Variants in DNAI4 observed in about 807,000 individuals in gnomAD.
DNAI4 encodes dynein axonemal intermediate chain 4.
Under a neutral mutation model 105.8 loss-of-function variants are expected in DNAI4, and 85 were observed. That is an observed-to-expected ratio of 0.80 (90% CI 0.67 to 0.96). The LOEUF is 0.96. DNAI4 is among the 40% of genes least tolerant of loss of function. DNAI4 has a pLI of 0.00. For missense variants in DNAI4, 1,014 were observed against 1,005.6 expected, an observed-to-expected ratio of 1.01 and a Z score of -0.11; for synonymous variants, 352 against 331.5, an observed-to-expected ratio of 1.06 and a Z score of -0.67.
At chr1:66,863,419 C>T (rs1005486997) in intron 6 of DNAI4, among the ~76,000 whole-genome samples, 2 of 152,034 alleles carry the variant, frequency 1.3e-5, no homozygotes, top group Admixed American at 6.6e-5. Context: ...TGTTTTCAAT[C>T]GGTAATAATC....
At chr1:66,901,548 A>G (rs1043925189) in intron 2 of DNAI4, among the ~76,000 whole-genome samples, 1 of 152,054 alleles carries the variant, frequency 6.6e-6, no homozygotes, top group Non-Finnish European at 1.5e-5. Context: ...ATGATTTTTC[A>G]TTATATTTTA....
chr1:66,886,944 C>G (rs1647222601), intron 4 of DNAI4, among the ~76,000 whole-genome samples: 1 of 152,002 alleles, frequency 6.6e-6, no homozygotes. Flanking sequence ...TCCCCCACCC[C>G]CCATCCCCAG....
chr1:66,891,030 G>A (rs868674679), intron 4 of DNAI4, 124 bp downstream of exon 4: 1 of 804,468 alleles, frequency 1.2e-6, no homozygotes, highest in African/African-American at 1.7e-5. Flanking sequence ...CTCTTGAAGC[G>A]ACTTCACAAG....
At chr1:66,872,197 T>C (rs1646860836) in intron 5 of DNAI4, among the ~76,000 whole-genome samples, 1 of 145,718 alleles carries the variant, frequency 6.9e-6, no homozygotes, top group Non-Finnish European at 1.5e-5. Context: ...TCACATATTT[T>C]CAGGTTATTT....
intron 7 of DNAI4, among the ~76,000 whole-genome samples, chr1:66,849,590 T>G (rs1255814277): frequency 2.0e-5 from 3 of 152,138 alleles, no homozygotes; most frequent in Non-Finnish European, 1.5e-5. Context: ...ATGTTAGAAT[T>G]ATCTGACAAA....
At chr1:66,845,178 G>A (rs1297308388) in intron 8 of DNAI4, among the ~76,000 whole-genome samples, 17 of 104,632 alleles carry the variant, frequency 1.6e-4, no homozygotes, top group South Asian at 3.6e-4. Flanking sequence ...GTGACAGAGC[G>A]AAACTCCATC....
chr1:66,914,798 CAAT>C (rs1401762441), intron 1 of DNAI4, among the ~76,000 whole-genome samples: 1 of 151,982 alleles, frequency 6.6e-6, no homozygotes. Context: ...GTTGTGTACA[CAAT>C]GTTTCACTAC....
intron 3 of DNAI4, among the ~76,000 whole-genome samples, chr1:66,892,948 GA>G: frequency 1.5e-5 from 1 of 65,966 alleles, no homozygotes; most frequent in Non-Finnish European, 3.0e-5. Context: ...AGAGAAGAAA[GA>G]GAAGAAAGAA....
chr1:66,922,968 C>T (rs2100917577), intron 1 of DNAI4, among the ~76,000 whole-genome samples: 1 of 152,248 alleles, frequency 6.6e-6, no homozygotes, highest in East Asian at 1.9e-4. Flanking sequence ...TATGGACTAA[C>T]CCAGCAATAC....
intron 2 of DNAI4, among the ~76,000 whole-genome samples, chr1:66,893,678 A>G (rs1648061285): frequency 6.6e-6 from 1 of 152,212 alleles, no homozygotes; most frequent in Admixed American, 6.5e-5. Flanking sequence ...CAGTGGAAAG[A>G]TAATTCATCC....
intron 1 of DNAI4, among the ~76,000 whole-genome samples, chr1:66,914,483 A>G (rs1444349719): frequency 1.3e-5 from 2 of 152,190 alleles, no homozygotes; most frequent in African/African-American, 4.8e-5. Context: ...TGTGCATTAA[A>G]AAGACTTTTA....
chr1:66,854,733 G>A (rs749640858), intron 7 of DNAI4, among the ~76,000 whole-genome samples: 16 of 152,160 alleles, frequency 1.1e-4, no homozygotes, highest in Non-Finnish European at 2.4e-4. Context: ...CCCGGGAGGA[G>A]GCAGAGATTG....
intron 16 of DNAI4, among the ~76,000 whole-genome samples, chr1:66,815,227 C>G (rs1019659031): frequency 1.1e-4 from 16 of 152,282 alleles, no homozygotes; most frequent in African/African-American, 3.9e-4. Flanking sequence ...CAGTTTCTCA[C>G]TTGGGCAAAT....
Position 66,826,910 on chromosome 1 carries a change from A to G in DNAI4, c.2249T>C (p.Val750Ala). 6.2e-7 allele frequency: 1 copy of G among 1,614,188 alleles called. No homozygotes were observed. The highest frequency in any genetic ancestry group is 2.2e-5 in the East Asian group (1 of 44,864). The change falls in exon 15 of 17, where the codon GTT becomes GCT. Residue 750 changes from valine (V) to alanine (A), a missense_variant. By Grantham distance (64) the Val-to-Ala change is moderately conservative. Coordinates refer to ENST00000371026, the MANE Select transcript of DNAI4 (RefSeq NM_024763.5). ...SLSFYPATSV[V>A]YDVAWSPKSS... ...TTTTGGAGACCAGGCAACGTCGTAA[A>G]CAACAGAAGTAGCTGGATAAAAACT...
chr1:66,828,120 A>T (rs924816097), intron 13 of DNAI4: 5 of 305,322 alleles, frequency 1.6e-5, no homozygotes, highest in African/African-American at 4.3e-5. Context: ...GAAAATATAA[A>T]TTGGTCCTTT....
intron 15 of DNAI4, among the ~76,000 whole-genome samples, chr1:66,825,409 C>T (rs1455767899): frequency 1.3e-5 from 2 of 151,740 alleles, no homozygotes; most frequent in East Asian, 1.9e-4. Flanking sequence ...TCTCGATCTC[C>T]TGACCTCATG....
intron 5 of DNAI4, among the ~76,000 whole-genome samples, chr1:66,873,794 C>G (rs1646899971): frequency 6.6e-6 from 1 of 151,018 alleles, no homozygotes; most frequent in South Asian, 2.1e-4. Flanking sequence ...TTCTTCCCAG[C>G]ATTTCTCCCC....
intron 4 of DNAI4, among the ~76,000 whole-genome samples, chr1:66,877,838 G>C (rs1646988676): frequency 6.6e-6 from 1 of 152,088 alleles, no homozygotes; most frequent in Non-Finnish European, 1.5e-5. Flanking sequence ...TTCAATTTGT[G>C]ATTTTCTGAT....
intron 16 of DNAI4, among the ~76,000 whole-genome samples, chr1:66,814,718 A>T (rs538455324): frequency 6.6e-6 from 1 of 152,350 alleles, no homozygotes; most frequent in South Asian, 2.1e-4. Context: ...AGATTCAGTA[A>T]GAAGAAAATT....
Sources: gnomAD v4.1 joint callset for allele counts (sites outside exome capture counted in the v4.1 genomes callset) on GRCh38, gnomAD v4.1.1 for gene constraint, MANE v1.5 for transcripts, NCBI Gene and HGNC (gene_info 2026-07-23, HGNC 2026-07-21) for gene names.